The following TULP3 variants were observed in gnomAD, a reference collection of about 807,000 sequenced individuals.
TULP3 encodes tubby-related protein 3.
Under a neutral mutation model 50.7 loss-of-function variants are expected in TULP3, and 38 were observed. That is an observed-to-expected ratio of 0.75 (90% CI 0.58 to 0.98). TULP3 has a LOEUF of 0.98. Among genes scored for constraint, TULP3 ranks in the 50% least tolerant of loss-of-function variants. The pLI is 0.00. For missense variants in TULP3, 550 were observed against 568.0 expected, an observed-to-expected ratio of 0.97 and a Z score of 0.32; for synonymous variants, 183 against 196.6, an observed-to-expected ratio of 0.93 and a Z score of 0.58.
chr12:2,909,619 A>C (rs771467117), intron 2 of TULP3, 39 bp downstream of exon 2: 1 of 1,564,648 alleles, frequency 6.4e-7, no homozygotes. Context: ...GTGGCCAACT[A>C]TACTGACCGT....
rs1259910084 is a variant in TULP3 at position 2,922,407 on chromosome 12, G to A, written c.394+5G>A. On this transcript the variant is annotated splice_donor_5th_base_variant and intron_variant, in intron 4 of 10. Coordinates refer to ENST00000448120, the MANE Select transcript of TULP3 (RefSeq NM_003324.5). ...AGGAGCGTCTCCAAAAGCATGGTGA[G>A]GACTGGTAATGATTTTAAGGCAATT... The A allele has an allele frequency of 2.5e-6, 4 of 1,602,828 alleles. No homozygotes were observed. In the East Asian group the frequency reaches 6.7e-5, roughly 27 times the overall value.
At chr12:2,907,089 G>A (rs1386087270) in intron 1 of TULP3, among the ~76,000 whole-genome samples, 4 of 151,902 alleles carry the variant, frequency 2.6e-5, no homozygotes, top group Non-Finnish European at 5.9e-5. Context: ...TGTAATCCCA[G>A]CACTTTGGGA....
chr12:2,909,971 C>T (rs2098184524), intron 2 of TULP3, among the ~76,000 whole-genome samples: 1 of 152,174 alleles, frequency 6.6e-6, no homozygotes, highest in African/African-American at 2.4e-5. Context: ...AAATGCATAT[C>T]CGAGCTTGCT....
intron 6 of TULP3, 116 bp from the exon 7 acceptor site, chr12:2,933,302 G>A: frequency 1.5e-6 from 1 of 652,066 alleles, no homozygotes; most frequent in Non-Finnish European, 2.7e-6. Flanking sequence ...TTAACAGCTT[G>A]ACATATGCTG....
At chr12:2,916,975 AC>A (rs2098189022) in intron 2 of TULP3, among the ~76,000 whole-genome samples, 2 of 152,150 alleles carry the variant, frequency 1.3e-5, no homozygotes, top group Admixed American at 6.6e-5. Flanking sequence ...CTTGGCAGGA[AC>A]ACTGTGGTCA....
chr12:2,929,748 A>G (rs1488080601), intron 4 of TULP3, among the ~76,000 whole-genome samples: 2 of 151,702 alleles, frequency 1.3e-5, no homozygotes, highest in Non-Finnish European at 2.9e-5. Context: ...GTGCCACCAC[A>G]CCCGGCTAAT....
At chr12:2,894,806 A>T (rs961327806) in intron 1 of TULP3, among the ~76,000 whole-genome samples, 2 of 114,990 alleles carry the variant, frequency 1.7e-5, no homozygotes, top group African/African-American at 5.0e-5. Context: ...AGGCAGAAGA[A>T]TTGTTTGAAC....
At chr12:2,911,571 T>C (rs2098185613) in intron 2 of TULP3, among the ~76,000 whole-genome samples, 1 of 150,812 alleles carries the variant, frequency 6.6e-6, no homozygotes, top group Non-Finnish European at 1.5e-5. Context: ...TTCACTGTGT[T>C]AGCCAGGATG....
chr12:2,903,984 G>C (rs921656148), intron 1 of TULP3, among the ~76,000 whole-genome samples: 8 of 152,052 alleles, frequency 5.3e-5, no homozygotes, highest in Non-Finnish European at 8.8e-5. Context: ...GGGTTTCACT[G>C]TGTTGGCCGG....
At chr12:2,924,524 A>AT (rs1466708031) in intron 4 of TULP3, among the ~76,000 whole-genome samples, 1 of 151,832 alleles carries the variant, frequency 6.6e-6, no homozygotes, top group Non-Finnish European at 1.5e-5. Context: ...ACAAAAAAAA[A>AT]TTTTTAATTA....
chr12:2,932,307 G>A (rs762420760), intron 6 of TULP3, among the ~76,000 whole-genome samples: 2 of 152,084 alleles, frequency 1.3e-5, no homozygotes, highest in Admixed American at 1.3e-4. Flanking sequence ...GGCCAGGTGC[G>A]GTGGCTCACA....
chr12:2,905,700 G>T (rs1036377367), intron 1 of TULP3, among the ~76,000 whole-genome samples: 1 of 117,572 alleles, frequency 8.5e-6, no homozygotes, highest in African/African-American at 3.7e-5. Context: ...GCTTGCCCAG[G>T]CTTGATGAAA....
In TULP3 at chr12:2,939,190, C is replaced by T; in HGVS notation, c.1196-121C>T. On this transcript the variant is annotated intron_variant, in intron 10 of 10. Coordinates refer to ENST00000448120, the MANE Select transcript of TULP3 (RefSeq NM_003324.5). This position sits in a 1 kb window ranked among gnomAD's most constrained non-coding sequence, Gnocchi z 4.0. Reference sequence around the variant, plus strand: ...AGGCTGCAGTGAGCTGTGGTCATTCCACTAGGCTCCAGCCAGGGCGACAGA... The same window carrying T: ...AGGCTGCAGTGAGCTGTGGTCATTCTACTAGGCTCCAGCCAGGGCGACAGA... 1 of 1,119,820 alleles carries T rather than the reference C, an allele frequency of 8.9e-7. No homozygotes were observed. The highest frequency in any genetic ancestry group is 1.4e-5 in the South Asian group (1 of 69,468). The allele number at this position is 1,119,820 out of a possible 1,614,324, so 69.4% of individuals were successfully genotyped here.
At position 2,921,024 on chromosome 12, in the gene TULP3, C is replaced by T; in HGVS notation, c.253+102C>T. The T allele has an allele frequency of 9.7e-6, 13 of 1,336,706 alleles. No homozygotes were observed. In the South Asian group the frequency reaches 1.4e-4, roughly 15 times the overall value. 82.8% of individuals were successfully genotyped at this position (1,336,706 alleles called of 1,614,324 possible). On this transcript the variant is annotated intron_variant, in intron 3 of 10. Coordinates refer to ENST00000448120, the MANE Select transcript of TULP3 (RefSeq NM_003324.5). ...GACCAAAGGGACAATATTATTAGCA[C>T]CATTACTAGGTACCTTCATAAATCT...
At chr12:2,928,388 G>A (rs909091046) in intron 4 of TULP3, among the ~76,000 whole-genome samples, 1 of 151,728 alleles carries the variant, frequency 6.6e-6, no homozygotes, top group Non-Finnish European at 1.5e-5. Flanking sequence ...AAATTAACCG[G>A]ATGTGGTGGC....
intron 2 of TULP3, among the ~76,000 whole-genome samples, chr12:2,915,713 T>TTTTTTAA (rs979797100): frequency 6.6e-6 from 1 of 152,052 alleles, no homozygotes; most frequent in Non-Finnish European, 1.5e-5. Flanking sequence ...CCCAGCTAAT[T>TTTTTTAA]TTTTTAATTT....
intron 2 of TULP3, among the ~76,000 whole-genome samples, chr12:2,916,502 T>C (rs780385763): frequency 2.6e-5 from 4 of 152,174 alleles, no homozygotes; most frequent in Non-Finnish European, 4.4e-5. Flanking sequence ...GTGATTAAGT[T>C]TTAGTTTATA....
chr12:2,926,763 G>T (rs1343934879), intron 4 of TULP3, among the ~76,000 whole-genome samples: 1 of 109,498 alleles, frequency 9.1e-6, no homozygotes, highest in Non-Finnish European at 1.8e-5. Context: ...AAGTAGCCAG[G>T]TGTGGTGGTG....
At chr12:2,929,570 G>A (rs964988607) in intron 4 of TULP3, among the ~76,000 whole-genome samples, 9 of 152,020 alleles carry the variant, frequency 5.9e-5, no homozygotes, top group African/African-American at 1.9e-4. Flanking sequence ...GTTCAAGCAC[G>A]AGCCACTGTG....
Sources: gnomAD v4.1 joint callset for allele counts (sites outside exome capture counted in the v4.1 genomes callset) on GRCh38, gnomAD v4.1.1 for gene constraint, Gnocchi (gnomAD v3.1) non-coding constraint, MANE v1.5 for transcripts, NCBI Gene and HGNC (gene_info 2026-07-23, HGNC 2026-07-21) for gene names.